GRIK2: variants seen among roughly 807,000 people sequenced by gnomAD.
GRIK2 encodes the protein glutamate receptor ionotropic, kainate 2.
GRIK2 carries 32 observed loss-of-function variants against 100.3 expected under a neutral mutation model. The observed-to-expected ratio is 0.32, with a 90% confidence interval of 0.24 to 0.43. The LOEUF (loss-of-function observed/expected upper bound fraction) is 0.43. GRIK2 is among the 20% of genes least tolerant of loss of function. The pLI, the probability that GRIK2 is intolerant of heterozygous loss-of-function variation, is 1.00. For synonymous variants in GRIK2, 417 were observed against 389.4 expected (o/e 1.07, Z -0.83); for missense variants, 843 against 1,114.9 (o/e 0.76, Z 3.47).
intron 2 of GRIK2, among the ~76,000 whole-genome samples, chr6:101,438,368 C>A (rs189110847): frequency 1.3e-5 from 2 of 152,178 alleles, no homozygotes; most frequent in East Asian, 3.9e-4. Context: ...CAGAATGATA[C>A]GTTCTGAAGT....
intron 14 of GRIK2, among the ~76,000 whole-genome samples, chr6:102,015,287 T>C (rs1335021): frequency 0.12 from 17,971 of 152,056 alleles, 3,000 homozygotes; most frequent in African/African-American, 0.37. Context: ...TTCTCTTGCT[T>C]GGTAGATTTT....
chr6:101,512,088 G>T (rs1774351749), intron 2 of GRIK2, among the ~76,000 whole-genome samples: 1 of 150,174 alleles, frequency 6.7e-6, no homozygotes. Flanking sequence ...ACACATACAT[G>T]AATACTTAAA....
At chr6:101,876,916 C>A (rs1610028) in intron 11 of GRIK2, among the ~76,000 whole-genome samples, 121,982 of 151,758 alleles carry the variant, frequency 0.8, 49,182 homozygotes, top group East Asian at 0.92. Context: ...ACTCATTCCC[C>A]TACATCTCTA....
At chr6:101,687,359 G>C (rs1450662689) in intron 7 of GRIK2, among the ~76,000 whole-genome samples, 1 of 151,778 alleles carries the variant, frequency 6.6e-6, no homozygotes, top group African/African-American at 2.4e-5. Context: ...CTTAGCAGTG[G>C]GGTGATATTT....
At chr6:101,881,787 A>C (rs1786264540) in intron 11 of GRIK2, among the ~76,000 whole-genome samples, 1 of 152,018 alleles carries the variant, frequency 6.6e-6, no homozygotes. Flanking sequence ...CAGGATTTTA[A>C]GGCTGCAATG....
chr6:101,505,056 T>C (rs1773951746), intron 2 of GRIK2, among the ~76,000 whole-genome samples: 1 of 115,332 alleles, frequency 8.7e-6, no homozygotes, highest in East Asian at 2.9e-4. Flanking sequence ...ATTAAGTTTT[T>C]TTTGTTTTTT....
intron 14 of GRIK2, among the ~76,000 whole-genome samples, chr6:101,992,197 C>A (rs540706652): frequency 6.6e-6 from 1 of 151,580 alleles, no homozygotes; most frequent in Admixed American, 6.6e-5. Context: ...CTGTAAACAG[C>A]TTTTCTACAA....
At chr6:101,592,624 T>TATATATATATATATATCTA (rs71028078) in intron 2 of GRIK2, among the ~76,000 whole-genome samples, 1 of 133,522 alleles carries the variant, frequency 7.5e-6, no homozygotes, top group Non-Finnish European at 1.6e-5. Flanking sequence ...TATATATATA[T>TATATATATATATATATCTA]TGCTTTTTCA....
chr6:101,735,271 G>C (rs1775559351), intron 7 of GRIK2, among the ~76,000 whole-genome samples: 1 of 152,166 alleles, frequency 6.6e-6, no homozygotes. Context: ...TTGATGGATA[G>C]AGGAAGGGAA....
At chr6:101,991,616 C>T (rs1338637108) in intron 14 of GRIK2, among the ~76,000 whole-genome samples, 1 of 150,928 alleles carries the variant, frequency 6.6e-6, no homozygotes, top group Non-Finnish European at 1.5e-5. Context: ...GCCAATTGCC[C>T]CCTAATTATC....
chr6:101,888,322 T>A (rs926363171), intron 11 of GRIK2, among the ~76,000 whole-genome samples: 32 of 152,182 alleles, frequency 2.1e-4, no homozygotes, highest in African/African-American at 7.7e-4. Flanking sequence ...ATTTTCCTTA[T>A]CTGAAACAGG....
In GRIK2 at chr6:101,913,226, A is replaced by G. The variant is rs375688763; in HGVS notation, c.1749-11375A>G. Among the ~76,000 whole-genome samples the G allele has an allele frequency of 1.9e-4, 29 of 151,540 alleles. 3 individuals are homozygous for G. Among genetic ancestry groups the G allele is most frequent in the East Asian group, 1.7e-3 (9 of 5,154 alleles). On this transcript the variant is annotated intron_variant, in intron 12 of 16. Transcript: ENST00000369134. Reference sequence around the variant, plus strand: ...AAAATACACACGGAAGAACAGATACATTTTAGTGATTGTTTTATTAACTCT... The same window carrying G: ...AAAATACACACGGAAGAACAGATACGTTTTAGTGATTGTTTTATTAACTCT...
chr6:101,963,423 G>A (rs1412913808), intron 14 of GRIK2, among the ~76,000 whole-genome samples: 5 of 144,690 alleles, frequency 3.5e-5, no homozygotes, highest in African/African-American at 1.0e-4. Context: ...TCAGTCTCCC[G>A]AGTAGCTGGG....
At chr6:102,058,743 T>G (rs1048775801) in intron 16 of GRIK2, among the ~76,000 whole-genome samples, 1 of 151,516 alleles carries the variant, frequency 6.6e-6, no homozygotes. Context: ...ATTTCAAAAA[T>G]AAGGTAAACA....
intron 16 of GRIK2, among the ~76,000 whole-genome samples, chr6:102,067,977 A>G (rs756108921): frequency 2.6e-5 from 4 of 151,844 alleles, no homozygotes; most frequent in Non-Finnish European, 4.4e-5. Context: ...TGTATCAAGA[A>G]TGGGTTTCTG....
intron 10 of GRIK2, among the ~76,000 whole-genome samples, chr6:101,849,205 G>C (rs1046142732): frequency 2.0e-5 from 3 of 151,750 alleles, no homozygotes; most frequent in Non-Finnish European, 2.9e-5. Context: ...TTCAAGTAAA[G>C]CATGGTCTAG....
chr6:101,892,006 G>C (rs1787131953), intron 12 of GRIK2, among the ~76,000 whole-genome samples: 1 of 151,986 alleles, frequency 6.6e-6, no homozygotes. Flanking sequence ...AGGTCAAACA[G>C]AAAAATAAAT....
At chr6:102,020,935 A>T (rs985411689) in intron 14 of GRIK2, among the ~76,000 whole-genome samples, 6 of 151,844 alleles carry the variant, frequency 4.0e-5, no homozygotes, top group African/African-American at 1.2e-4. Flanking sequence ...TATTTTAAAA[A>T]TGGAACAGCA....
intron 12 of GRIK2, among the ~76,000 whole-genome samples, chr6:101,897,464 T>G (rs531430767): frequency 6.6e-6 from 1 of 151,914 alleles, no homozygotes; most frequent in Non-Finnish European, 1.5e-5. Context: ...AAAACAAAAT[T>G]TCACTTCTGT....
Sources: allele counts gnomAD v4.1 joint callset (sites outside exome capture counted in the v4.1 genomes callset), GRCh38; gene constraint gnomAD v4.1.1; transcripts MANE v1.5; gene names NCBI Gene and HGNC (gene_info 2026-07-23, HGNC 2026-07-21).